The following JAK1 variants were observed in gnomAD, a reference collection of about 807,000 sequenced individuals.
JAK1 encodes the protein Janus kinase 1.
In JAK1, 16 loss-of-function variants were observed where a neutral mutation model predicts 136.6. That is an observed-to-expected ratio of 0.12 (90% CI 0.08 to 0.18). The LOEUF (loss-of-function observed/expected upper bound fraction) is 0.18. Among genes scored for constraint, JAK1 ranks in the 10% least tolerant of loss-of-function variants. The pLI is 1.00. For synonymous variants in JAK1, 492 were observed against 519.5 expected, an observed-to-expected ratio of 0.95 and a Z score of 0.72; for missense variants, 859 against 1,450.1, an observed-to-expected ratio of 0.59 and a Z score of 6.62.
chr1:65,051,693 C>CA (rs1000141520), intron 1 of JAK1, among the ~76,000 whole-genome samples: 1 of 152,044 alleles, frequency 6.6e-6, no homozygotes, highest in East Asian at 1.9e-4. Flanking sequence ...AAGATAGTAG[C>CA]AAAAAAGTGA....
intron 1 of JAK1, among the ~76,000 whole-genome samples, chr1:65,064,774 G>GCCCT (rs953421273): frequency 6.6e-6 from 1 of 152,218 alleles, no homozygotes; most frequent in African/African-American, 2.4e-5. Context: ...GTCTTCAAGT[G>GCCCT]CCCTCCTAGC....
chr1:64,988,877 A>G (rs1158453395), intron 2 of JAK1, among the ~76,000 whole-genome samples: 1 of 151,004 alleles, frequency 6.6e-6, no homozygotes, highest in Non-Finnish European at 1.5e-5. Context: ...TGAAAGAGTG[A>G]GCCCCTAACT....
chr1:65,012,343 C>T (rs960373142), intron 2 of JAK1, among the ~76,000 whole-genome samples: 2 of 152,090 alleles, frequency 1.3e-5, no homozygotes, highest in African/African-American at 2.4e-5. Context: ...AAAGAGCACC[C>T]GTGAGGCCTT....
At chr1:64,891,069 A>C (rs1225584566) in intron 1 of JAK1, among the ~76,000 whole-genome samples, 2 of 152,210 alleles carry the variant, frequency 1.3e-5, no homozygotes, top group African/African-American at 4.8e-5. Flanking sequence ...TTTAGCATGC[A>C]GTAAGCACTC....
At chr1:64,842,257 G>C (rs1339289890) in intron 17 of JAK1, among the ~76,000 whole-genome samples, 1 of 152,042 alleles carries the variant, frequency 6.6e-6, no homozygotes, top group Non-Finnish European at 1.5e-5. Context: ...GGTCAGGGAT[G>C]ACAAGAATGC....
chr1:64,837,255 TTAAA>T (rs1328996498), intron 22 of JAK1, among the ~76,000 whole-genome samples: 10 of 152,204 alleles, frequency 6.6e-5, no homozygotes, highest in Admixed American at 5.9e-4. Flanking sequence ...ATGCATTTTC[TTAAA>T]TGAATGAATG....
intron 1 of JAK1, among the ~76,000 whole-genome samples, chr1:64,892,637 G>A (rs535986257): frequency 6.6e-6 from 1 of 152,310 alleles, no homozygotes; most frequent in South Asian, 2.1e-4. Flanking sequence ...AAGCACTTGT[G>A]CCATCACAAT....
intron 11 of JAK1, among the ~76,000 whole-genome samples, chr1:64,852,072 C>T (rs1655634336): frequency 6.6e-6 from 1 of 152,220 alleles, no homozygotes; most frequent in Admixed American, 6.5e-5. Context: ...TCCCTGCTAT[C>T]CCTCAGGACA....
intron 1 of JAK1, among the ~76,000 whole-genome samples, chr1:64,945,827 C>G (rs1223820049): frequency 6.6e-6 from 1 of 151,820 alleles, no homozygotes; most frequent in African/African-American, 2.4e-5. Context: ...CTCCAGGGTT[C>G]AAGCCATCCT....
chr1:64,839,170 AT>A (rs1654725004), intron 20 of JAK1, among the ~76,000 whole-genome samples: 3 of 148,180 alleles, frequency 2.0e-5, no homozygotes, highest in African/African-American at 7.6e-5. Context: ...AAAAAAAAAA[AT>A]TATCATCAGC....
At chr1:64,959,634 T>TAC (rs1646248336) in intron 1 of JAK1, among the ~76,000 whole-genome samples, 1 of 152,176 alleles carries the variant, frequency 6.6e-6, no homozygotes, top group Admixed American at 6.5e-5. Context: ...CCTACCAAAT[T>TAC]ATATACCTTG....
chr1:65,000,573 T>G (rs1370395728), intron 2 of JAK1, among the ~76,000 whole-genome samples: 1 of 152,122 alleles, frequency 6.6e-6, no homozygotes, highest in Non-Finnish European at 1.5e-5. Flanking sequence ...GGACACAATT[T>G]TTAAGTTATT....
intron 1 of JAK1, among the ~76,000 whole-genome samples, chr1:64,905,033 G>C (rs2100222480): frequency 6.6e-6 from 1 of 152,304 alleles, no homozygotes; most frequent in East Asian, 1.9e-4. Context: ...TGGTCACCTA[G>C]GGAACAGTGG....
At chr1:65,058,727 T>C (rs1197407770) in intron 1 of JAK1, among the ~76,000 whole-genome samples, 1 of 152,196 alleles carries the variant, frequency 6.6e-6, no homozygotes, top group Non-Finnish European at 1.5e-5. Flanking sequence ...ACATGACTTA[T>C]CCATATTAAT....
intron 2 of JAK1, among the ~76,000 whole-genome samples, chr1:65,042,188 A>G (rs1647140030): frequency 6.6e-6 from 1 of 152,218 alleles, no homozygotes; most frequent in South Asian, 2.1e-4. Flanking sequence ...TTTACATTGT[A>G]TTAGGTATTA....
At chr1:65,035,079 A>C (rs1255594139) in intron 2 of JAK1, among the ~76,000 whole-genome samples, 2 of 151,500 alleles carry the variant, frequency 1.3e-5, no homozygotes, top group African/African-American at 4.9e-5. Context: ...TAAATAAATA[A>C]ATAAATAAAT....
intron 1 of JAK1, among the ~76,000 whole-genome samples, chr1:64,936,249 C>T (rs774942810): frequency 6.6e-6 from 1 of 152,204 alleles, no homozygotes; most frequent in Non-Finnish European, 1.5e-5. Context: ...CCCTCCTCCT[C>T]CATGGCAATA....
rs145558397 is a variant in JAK1, at chr1:64,881,078, G to A, written c.206-1930C>T. ...GAGGTCAAGAGTTCGACACCAGCCT[G>A]GGCAACATATCAAGACCTCCATAAA... On this transcript the variant is annotated intron_variant, in intron 3 of 24. Transcript: ENST00000342505. Among the ~76,000 whole-genome samples the A allele has an allele frequency of 3.9e-4, 60 of 152,100 alleles. 1 individual carries two copies. Among genetic ancestry groups the A allele is most frequent in the African/African-American group, 1.4e-3 (57 of 41,488 alleles).
intron 2 of JAK1, among the ~76,000 whole-genome samples, chr1:65,014,875 C>A (rs1230821888): frequency 1.3e-5 from 2 of 151,664 alleles, no homozygotes; most frequent in Admixed American, 6.6e-5. Flanking sequence ...TTAGTAGAGA[C>A]AGGGTTTCAC....
Sources: allele counts gnomAD v4.1 joint callset (sites outside exome capture counted in the v4.1 genomes callset), GRCh38; gene constraint gnomAD v4.1.1; transcripts MANE v1.5; gene names NCBI Gene and HGNC (gene_info 2026-07-23, HGNC 2026-07-21).